Variants in FHL1 observed in about 807,000 individuals in gnomAD.
FHL1 encodes the protein four and a half LIM domains 1.
A neutral mutation model predicts 20.3 loss-of-function variants in FHL1; 1 was observed. That is an observed-to-expected ratio of 0.05 (90% CI 0.02 to 0.23). The LOEUF is 0.23. FHL1 is among the 10% of genes least tolerant of loss of function. The pLI, the probability that FHL1 is intolerant of heterozygous loss-of-function variation, is 1.00. For missense variants in FHL1, 177 were observed against 234.0 expected, an observed-to-expected ratio of 0.76 and a Z score of 1.59; for synonymous variants, 82 against 88.9, an observed-to-expected ratio of 0.92 and a Z score of 0.44.
At chrX:136,203,912 G>A (rs1434101181) in intron 1 of FHL1, among the ~76,000 whole-genome samples, 1 of 112,201 alleles carries the variant, frequency 8.9e-6, no homozygotes, top group Non-Finnish European at 1.9e-5. Flanking sequence ...CTCACCTTAG[G>A]TGGAACTTTA....
chrX:136,190,706 TA>T (rs1410167041), intron 2 of FHL1, among the ~76,000 whole-genome samples: 1 of 111,678 alleles, frequency 9.0e-6, no homozygotes, highest in East Asian at 2.8e-4. Flanking sequence ...AAACCCCCTT[TA>T]CCATACATAG....
At chrX:136,149,149 C>T (rs2072196036) in intron 1 of FHL1, among the ~76,000 whole-genome samples, 1 of 111,773 alleles carries the variant, frequency 8.9e-6, no homozygotes, top group African/African-American at 3.3e-5. Flanking sequence ...TTACGGTGTT[C>T]CTTGCAAATG....
intron 1 of FHL1, among the ~76,000 whole-genome samples, chrX:136,159,981 C>T (rs1309785695): frequency 4.4e-5 from 5 of 112,488 alleles, no homozygotes; most frequent in African/African-American, 1.6e-4. Context: ...GAAGCATAGG[C>T]CCAATGCCAG....
Position 136,210,932 on chromosome X carries a change from C to G in FHL1, c.*907C>G, listed in dbSNP as rs1454337903. ...CTGAAATTCATCCTACGGAAGTAAC[C>G]GCAAAACTCTAGAGGGGGAGTTGAG... On this transcript the variant is annotated 3_prime_UTR_variant, in exon 6 of 6. Transcript: ENST00000370683. 5 of 380,989 alleles carry G rather than the reference C, an allele frequency of 1.3e-5. No homozygotes were observed. In the Admixed American group the frequency reaches 1.5e-4, roughly 11 times the overall value. The allele number at this position is 380,989 out of a possible 1,213,427, so 31.4% of individuals were successfully genotyped here.
chrX:136,187,142 TA>T (rs1358875049), intron 2 of FHL1, among the ~76,000 whole-genome samples: 7 of 87,435 alleles, frequency 8.0e-5, no homozygotes, highest in African/African-American at 2.0e-4. Flanking sequence ...TTTTTTTTTT[TA>T]AAAGAGGAAA....
chrX:136,168,480 A>G (rs1256468843), upstream of FHL1, among the ~76,000 whole-genome samples: 1 of 112,237 alleles, frequency 8.9e-6, no homozygotes, highest in African/African-American at 3.2e-5. Flanking sequence ...ATGATAGAAT[A>G]TGAAGATACT....
intron 1 of FHL1, among the ~76,000 whole-genome samples, chrX:136,158,267 T>C (rs2072473219): frequency 8.9e-6 from 1 of 112,256 alleles, no homozygotes; most frequent in African/African-American, 3.2e-5. Context: ...ATTACTCTCA[T>C]TGATATATTT....
intron 1 of FHL1, among the ~76,000 whole-genome samples, chrX:136,150,828 T>A (rs1028030302): frequency 9.0e-6 from 1 of 110,906 alleles, no homozygotes; most frequent in Admixed American, 9.6e-5. Context: ...TTGTCTGGAG[T>A]TTTTTGGACA....
At chrX:136,198,150 T>G (rs1357784573) in intron 1 of FHL1, among the ~76,000 whole-genome samples, 1 of 44,583 alleles carries the variant, frequency 2.2e-5, no homozygotes, top group Non-Finnish European at 4.7e-5. Context: ...GTTGTCTGGT[T>G]TTTTTTTTTT....
At chrX:136,155,209 T>C (rs761887092) in intron 1 of FHL1, among the ~76,000 whole-genome samples, 2 of 111,494 alleles carry the variant, frequency 1.8e-5, no homozygotes, top group Admixed American at 1.9e-4. Context: ...TTCTATCACA[T>C]TCATCTGCCA....
upstream of FHL1, among the ~76,000 whole-genome samples, chrX:136,167,580 A>T (rs1410678408): frequency 9.0e-6 from 1 of 111,194 alleles, no homozygotes; most frequent in Non-Finnish European, 1.9e-5. Context: ...AACATGAACC[A>T]GTCCAGATTC....
At chrX:136,168,544 A>T (rs1569528668), upstream of FHL1, among the ~76,000 whole-genome samples, 1 of 111,651 alleles carries the variant, frequency 9.0e-6, no homozygotes, top group Admixed American at 9.5e-5. Context: ...CTTTGAATTA[A>T]GTCACTTTAA....
At chrX:136,146,893 C>T (rs1234528975), upstream of FHL1, 8 of 329,700 alleles carry the variant, frequency 2.4e-5, no homozygotes, top group Admixed American at 2.5e-4. Context: ...CTCCGGCTTG[C>T]TACTAAGGGG....
chrX:136,202,954 G>A (rs749551590), intron 1 of FHL1, among the ~76,000 whole-genome samples: 10 of 112,118 alleles, frequency 8.9e-5, no homozygotes, highest in Non-Finnish European at 1.7e-4. Context: ...AAATTGTGAC[G>A]TGATCAGTAT....
Position 136,210,184 on chromosome X carries a change from GCA to G in FHL1, c.*164_*165del, listed in dbSNP as rs1230605593. ...ATTTTACAGTATTACTCAAATAAGG[GCA>G]CACAGTGATCATATTAGCATTTAGC... On this transcript the variant is annotated 3_prime_UTR_variant, in exon 6 of 6. Coordinates refer to ENST00000370683, the MANE Select transcript of FHL1 (RefSeq NM_001159699.2). The G allele has an allele frequency of 2.6e-6, 2 of 783,440 alleles. No individual in the cohort carries two copies. Among genetic ancestry groups the G allele is most frequent in the African/African-American group, 4.1e-5 (2 of 48,644 alleles). 64.6% of individuals were successfully genotyped at this position (783,440 alleles called of 1,213,427 possible).
intron 1 of FHL1, among the ~76,000 whole-genome samples, chrX:136,153,795 A>G (rs1301260816): frequency 8.9e-6 from 1 of 111,836 alleles, no homozygotes; most frequent in Non-Finnish European, 1.9e-5. Context: ...ATTCAAGCCC[A>G]TTGCAAAACC....
At chrX:136,208,934 G>T (rs1171335793) in intron 5 of FHL1, among the ~76,000 whole-genome samples, 1 of 103,163 alleles carries the variant, frequency 9.7e-6, no homozygotes, top group Non-Finnish European at 2.0e-5. Flanking sequence ...ATTCTGGGGG[G>T]AGGGGTGGGA....
chrX:136,192,808 T>C (rs1312870342), upstream of FHL1, among the ~76,000 whole-genome samples: 2 of 111,917 alleles, frequency 1.8e-5, no homozygotes, highest in African/African-American at 6.5e-5. Flanking sequence ...AAAAGTACTC[T>C]TCCCACCTTA....
At chrX:136,196,899 C>T (rs747253309), upstream of FHL1, 1,277 of 1,128,162 alleles carry the variant, frequency 1.1e-3, no homozygotes, top group Non-Finnish European at 1.3e-3. Context: ...TTTACTGGGT[C>T]CTATTCTTCT....
Sources: allele counts gnomAD v4.1 joint callset (sites outside exome capture counted in the v4.1 genomes callset), GRCh38; gene constraint gnomAD v4.1.1; transcripts MANE v1.5; gene names NCBI Gene and HGNC (gene_info 2026-07-23, HGNC 2026-07-21).